SCN10A: variants seen among roughly 807,000 people sequenced by gnomAD.
The protein encoded by SCN10A is sodium voltage-gated channel alpha subunit 10.
In SCN10A, 162 loss-of-function variants were observed where a neutral mutation model predicts 170.7. That is an observed-to-expected ratio of 0.95 (90% CI 0.84 to 1.08). The LOEUF is 1.08. Ranked by LOEUF, SCN10A falls within the 50% of genes least tolerant of loss-of-function variation. The pLI, the probability that SCN10A is intolerant of heterozygous loss-of-function variation, is 0.00. For synonymous variants in SCN10A, 985 were observed against 904.6 expected (o/e 1.09, Z -1.59); for missense variants, 2,527 against 2,436.9 (o/e 1.04, Z -0.78).
chr3:38,737,095 C>T (rs921317959), intron 15 of SCN10A, among the ~76,000 whole-genome samples: 4 of 148,958 alleles, frequency 2.7e-5, no homozygotes, highest in Admixed American at 6.7e-5. Context: ...CTCAGCCTCC[C>T]GAGTAGCTGG....
At chr3:38,736,963 GTTTT>G (rs71085334) in intron 15 of SCN10A, among the ~76,000 whole-genome samples, 52 of 46,666 alleles carry the variant, frequency 1.1e-3, no homozygotes, top group African/African-American at 4.4e-3. Flanking sequence ...AGAAATGTTC[GTTTT>G]TTTTTTTTTT....
Position 38,739,509 on chromosome 3 carries a change from C to T in SCN10A, c.2280+6G>A, listed in dbSNP as rs376343695. ...TTTCCCCAAGCCATCAAGAGAAAAACATTACCAAGCGGAAGCTCCGCAGCA... is the reference window on the plus strand; with the variant it reads ...TTTCCCCAAGCCATCAAGAGAAAAATATTACCAAGCGGAAGCTCCGCAGCA... On this transcript the variant is annotated splice_donor_region_variant and intron_variant, in intron 15 of 27. Coordinates refer to ENST00000449082, the MANE Select transcript of SCN10A (RefSeq NM_006514.4). The T allele has an allele frequency of 1.9e-6, 3 of 1,612,192 alleles. No individual in the cohort carries two copies. In the African/African-American group the frequency reaches 4.0e-5, roughly 22 times the overall value.
intron 21 of SCN10A, among the ~76,000 whole-genome samples, chr3:38,715,393 T>C (rs1443653240): frequency 1.3e-5 from 2 of 152,216 alleles, no homozygotes; most frequent in Non-Finnish European, 2.9e-5. Flanking sequence ...GCAAATCTGA[T>C]TATGATCATG....
Position 38,709,527 on chromosome 3 carries a change from T to C in SCN10A, c.4232A>G (p.Asn1411Ser), listed in dbSNP as rs769359391. The C allele has an allele frequency of 3.7e-6, 6 of 1,612,926 alleles. No individual in the cohort carries two copies. The highest frequency in any genetic ancestry group is 5.1e-6 in the Non-Finnish European group (6 of 1,179,566). ...FIIFGGFFTL[N>S]LFVGVIIDNF... Reference sequence around the variant, plus strand: ...GTCAATTATGACCCCAACAAAGAGATTCAGTGTGAAGAAGCCTCCAAAAAT... The same window carrying C: ...GTCAATTATGACCCCAACAAAGAGACTCAGTGTGAAGAAGCCTCCAAAAAT... Residue 1411 changes from asparagine (N) to serine (S), a missense_variant, in exon 25 of 28, where the codon AAT becomes AGT. By Grantham distance (46) the Asn-to-Ser change is conservative. Transcript: ENST00000449082.
At position 38,697,176 on chromosome 3, in the gene SCN10A, A is replaced by C; in HGVS notation, c.*173T>G. On this transcript the variant is annotated 3_prime_UTR_variant, in exon 28 of 28. Transcript: ENST00000449082. ...CTTAGCTTCTGACTCCTATTTGTGT[A>C]TGATGGTTTTTTCAAAGGTGGTTAC... The C allele has an allele frequency of 1.0e-6, 1 of 954,782 alleles. No homozygotes were observed. The allele number at this position is 954,782 out of a possible 1,614,324, so 59.1% of individuals were successfully genotyped here. A position where few individuals can be genotyped will look rare whatever the true frequency, so the allele number is the denominator to read the frequency against.
At position 38,763,578 on chromosome 3, in the gene SCN10A, T is replaced by C. The variant is rs74717885; in HGVS notation, c.618A>G (p.Ile206Met). Reference sequence around the variant, plus strand: ...GCAGGCCTGAGATCCCACGGAGATCTATTGCTGTGCCAACATATCTGTAGG... The same window carrying C: ...GCAGGCCTGAGATCCCACGGAGATCCATTGCTGTGCCAACATATCTGTAGG... ...VITLAYVGTAIDLRGISGLRT... is the reference protein window; with the variant it reads ...VITLAYVGTAMDLRGISGLRT... The change falls in exon 6 of 28, where the codon ATA (isoleucine) becomes ATG (methionine). Residue 206 changes from isoleucine (I) to methionine (M), a missense_variant. Coordinates refer to ENST00000449082, the MANE Select transcript of SCN10A (RefSeq NM_006514.4). 30,520 of 1,613,802 alleles carry C rather than the reference T, an allele frequency of 0.019. 716 individuals carry two copies. Among genetic ancestry groups the C allele is most frequent in the East Asian group, 0.13 (6,059 of 44,884 alleles).
chr3:38,718,398 A>G (rs999824511), intron 21 of SCN10A, among the ~76,000 whole-genome samples: 7 of 152,322 alleles, frequency 4.6e-5, no homozygotes, highest in African/African-American at 1.4e-4. Flanking sequence ...GTAAAAATGC[A>G]GAGGATTGCA....
chr3:38,793,201 C>T (rs1452247715), intron 2 of SCN10A, among the ~76,000 whole-genome samples: 1 of 152,082 alleles, frequency 6.6e-6, no homozygotes, highest in Non-Finnish European at 1.5e-5. Flanking sequence ...CATCAATAGC[C>T]TCTATATTCA....
chr3:38,801,721 A>C (rs942796595), intron 1 of SCN10A, among the ~76,000 whole-genome samples: 1 of 152,216 alleles, frequency 6.6e-6, no homozygotes, highest in Non-Finnish European at 1.5e-5. Context: ...GACTCTGTAT[A>C]GTAGATATGA....
Position 38,696,928 on chromosome 3 carries a change from A to G in SCN10A, c.*421T>C. The G allele has an allele frequency of 5.3e-6, 1 of 188,286 alleles. No homozygotes were observed. The highest frequency in any genetic ancestry group is 1.2e-4 in the East Asian group (1 of 8,540). 11.7% of individuals were successfully genotyped at this position (188,286 alleles called of 1,614,324 possible). A position where few individuals can be genotyped will look rare whatever the true frequency, so the allele number is the denominator to read the frequency against. ...CTCACATGCAGTCATGCAAAATCCT[A>G]AATAATATTGCCAATCTCTGTATGG... On this transcript the variant is annotated 3_prime_UTR_variant, in exon 28 of 28. Coordinates refer to ENST00000449082, the MANE Select transcript of SCN10A (RefSeq NM_006514.4).
intron 21 of SCN10A, among the ~76,000 whole-genome samples, chr3:38,718,061 A>T (rs372462555): frequency 6.6e-6 from 1 of 152,178 alleles, no homozygotes; most frequent in South Asian, 2.1e-4. Context: ...TTTCAATGCC[A>T]CTGGGGAGGA....
At chr3:38,708,356 C>G (rs1218223767) in intron 25 of SCN10A, among the ~76,000 whole-genome samples, 1 of 152,102 alleles carries the variant, frequency 6.6e-6, no homozygotes, top group Non-Finnish European at 1.5e-5. Context: ...TAATATCTCC[C>G]TCTGTAATCT....
chr3:38,793,305 C>G (rs1171415756), intron 2 of SCN10A, among the ~76,000 whole-genome samples: 3 of 152,122 alleles, frequency 2.0e-5, no homozygotes, highest in African/African-American at 7.2e-5. Context: ...CCCACTAAAA[C>G]AGTTTTGGGG....
At chr3:38,741,585 T>C (rs1268684430) in intron 14 of SCN10A, among the ~76,000 whole-genome samples, 2 of 152,196 alleles carry the variant, frequency 1.3e-5, no homozygotes, top group African/African-American at 4.8e-5. Flanking sequence ...TGGGGCAAGG[T>C]TGGAGCAGTT....
chr3:38,742,259 C>A lies in SCN10A; in HGVS notation c.2106+32G>T, dbSNP rs200448110. 57 of 1,551,312 alleles carry A rather than the reference C, an allele frequency of 3.7e-5. No homozygotes were observed. The African/African-American group carries it at 7.3e-4, about 20-fold the overall frequency. On this transcript the variant is annotated intron_variant, in intron 14 of 27. Coordinates refer to ENST00000449082, the MANE Select transcript of SCN10A (RefSeq NM_006514.4). ...TCATCCCCACCCCGCCCCGACCACG[C>A]CAGTGAGGGCAGTACCAGCCAGAGC...
intron 20 of SCN10A, 132 bp from the exon 21 acceptor site, chr3:38,718,958 A>G: frequency 1.3e-6 from 1 of 798,560 alleles, no homozygotes; most frequent in African/African-American, 1.7e-5. Context: ...GCTTGCCAGT[A>G]GCATTTTGTT....
chr3:38,771,493 G>T, intron 4 of SCN10A, 86 bp from the exon 5 acceptor site: 1 of 1,338,402 alleles, frequency 7.5e-7, no homozygotes, highest in Non-Finnish European at 1.0e-6. Context: ...GGGATGACCT[G>T]CTCTGACTGC....
chr3:38,785,261 G>A (rs771339289), intron 4 of SCN10A, among the ~76,000 whole-genome samples: 5 of 152,010 alleles, frequency 3.3e-5, no homozygotes, highest in Non-Finnish European at 7.4e-5. Flanking sequence ...CCAAAACAGC[G>A]AGGTACTGGT....
chr3:38,722,509 C>A (rs1367592319), intron 19 of SCN10A, 97 bp from the exon 20 acceptor site: 1 of 1,410,428 alleles, frequency 7.1e-7, no homozygotes, highest in Non-Finnish European at 9.7e-7. Context: ...AGGAAACCCA[C>A]TTGTCATGCC....
Sources: gnomAD v4.1 joint callset for allele counts (sites outside exome capture counted in the v4.1 genomes callset) on GRCh38, gnomAD v4.1.1 for gene constraint, MANE v1.5 for transcripts, NCBI Gene and HGNC (gene_info 2026-07-23, HGNC 2026-07-21) for gene names.